The following ASNSD1 variants were observed in gnomAD, a reference collection of about 807,000 sequenced individuals.
ASNSD1 encodes the protein asparagine synthetase domain containing 1, also known as asparagine synthetase domain-containing protein 1.
Under a neutral mutation model 48.3 loss-of-function variants are expected in ASNSD1, and 36 were observed. The observed-to-expected ratio is 0.75, with a 90% confidence interval of 0.57 to 0.99. The LOEUF is 0.99. Among genes scored for constraint, ASNSD1 ranks in the 50% least tolerant of loss-of-function variants. The pLI is 0.00. For missense variants in ASNSD1, 714 were observed against 758.2 expected, an observed-to-expected ratio of 0.94 and a Z score of 0.69; for synonymous variants, 257 against 262.1, an observed-to-expected ratio of 0.98 and a Z score of 0.19.
chr2:189,666,044 T>C lies in ASNSD1; in HGVS notation c.-89T>C, dbSNP rs747515850. 1 of 1,360,726 alleles carries C rather than the reference T, an allele frequency of 7.3e-7. No homozygotes were observed. Among genetic ancestry groups the C allele is most frequent in the Admixed American group, 2.5e-5 (1 of 39,550 alleles). The allele number at this position is 1,360,726 out of a possible 1,614,324, so 84.3% of individuals were successfully genotyped here. A position where few individuals can be genotyped will look rare whatever the true frequency, so the allele number is the denominator to read the frequency against. ...TTATTCTCCTTCCCTGCAACAGATA[T>C]ATTGGATGAACTGAAAAAAGAATAC... is the stretch of plus-strand genomic sequence containing the variant. On this transcript the variant is annotated 5_prime_UTR_variant, in exon 4 of 6. Coordinates refer to ENST00000260952, the MANE Select transcript of ASNSD1 (RefSeq NM_019048.4).
Position 189,666,996 on chromosome 2 carries a change from T to C in ASNSD1, c.864T>C (p.Asp288=), listed in dbSNP as rs778261718. ...AGGAAGTAATTCAGCAGTTCATTGA[T>C]GTCCTGAGTGTAGCAGTCAAGAAAC... is the stretch of plus-strand genomic sequence containing the variant. ...HMKEVIQQFI[D]VLSVAVKKRV... is the part of the protein sequence containing the mutation. The change falls in exon 4 of 6, where the codon GAT becomes GAC. Residue 288 remains aspartate, a synonymous_variant. Coordinates refer to ENST00000260952, the MANE Select transcript of ASNSD1 (RefSeq NM_019048.4). The C allele has an allele frequency of 1.2e-6, 2 of 1,614,218 alleles. No individual in the cohort carries two copies. The highest frequency in any genetic ancestry group is 1.7e-6 in the Non-Finnish European group (2 of 1,180,038).
intron 5 of ASNSD1, among the ~76,000 whole-genome samples, chr2:189,669,462 A>G (rs1422307990): frequency 6.6e-6 from 1 of 152,258 alleles, no homozygotes; most frequent in African/African-American, 2.4e-5. Flanking sequence ...TATAACAAAT[A>G]TAGTGGCTAG....
At chr2:189,661,846 G>A (rs974758727) in intron 1 of ASNSD1, among the ~76,000 whole-genome samples, 1 of 152,182 alleles carries the variant, frequency 6.6e-6, no homozygotes, top group Non-Finnish European at 1.5e-5. Flanking sequence ...GTGACAGTGG[G>A]GCGGAGTTTT....
At chr2:189,668,175 A>G (rs2032854681) in intron 5 of ASNSD1, among the ~76,000 whole-genome samples, 1 of 152,188 alleles carries the variant, frequency 6.6e-6, no homozygotes, top group African/African-American at 2.4e-5. Context: ...GTAATTTTCA[A>G]AGGTAACATA....
rs1559034484 is a variant in ASNSD1 at position 189,665,624 on chromosome 2, A to ATATATG, written c.-93+178_-93+179insGTATAT. 1.2e-4 allele frequency among the ~76,000 whole-genome samples: 15 copies of ATATATG among 121,770 alleles called. 2 individuals carry two copies. The highest frequency in any genetic ancestry group is 5.0e-4 in the African/African-American group (15 of 30,092). 79.9% of individuals were successfully genotyped at this position (121,770 alleles called of 152,430 possible). A position where few individuals can be genotyped will look rare whatever the true frequency, so the allele number is the denominator to read the frequency against. ...TATATATATATATATATATATATAT[A>ATATATG]TATATATATATATATATATATATTA... is the stretch of plus-strand genomic sequence containing the variant. On this transcript the variant is annotated intron_variant, in intron 3 of 5. Transcript: ENST00000260952.
chr2:189,662,660 T>A (rs1190370838), intron 1 of ASNSD1, among the ~76,000 whole-genome samples: 1 of 152,164 alleles, frequency 6.6e-6, no homozygotes, highest in Non-Finnish European at 1.5e-5. Flanking sequence ...GAGGTGTGTG[T>A]GAGGTAGCAC....
chr2:189,662,095 C>T (rs987346119), intron 1 of ASNSD1, among the ~76,000 whole-genome samples: 1 of 152,182 alleles, frequency 6.6e-6, no homozygotes, highest in African/African-American at 2.4e-5. Context: ...TATCGGGACC[C>T]CTGCCCCCGG....
In ASNSD1 at chr2:189,667,558, G is replaced by C; in HGVS notation, c.1426G>C (p.Ala476Pro). Residue 476 changes from alanine to proline, a missense_variant, in exon 4 of 6, where the codon GCC (alanine) becomes CCC (proline). By Grantham distance (27) the Ala-to-Pro change is conservative. Transcript: ENST00000260952. ...FASRGIGWLVAQEGVKSYQSN... is the reference protein window; with the variant it reads ...FASRGIGWLVPQEGVKSYQSN... The stretch of plus-strand genomic sequence containing the variant: ...TTCTAGAGGAATTGGTTGGTTAGTG[G>C]CCCAGGAAGGAGTGAAATCCTATCA... 1.9e-6 allele frequency: 3 copies of C among 1,613,064 alleles called. No homozygotes were observed. The highest frequency in any genetic ancestry group is 2.5e-6 in the Non-Finnish European group (3 of 1,179,452).
At position 189,670,526 on chromosome 2, in the gene ASNSD1, A is replaced by T; in HGVS notation, c.1732A>T (p.Ile578Phe). 6.2e-7 allele frequency: 1 copy of T among 1,614,104 alleles called. No homozygotes were observed. The highest frequency in any genetic ancestry group is 2.2e-5 in the East Asian group (1 of 44,868). The change falls in exon 6 of 6, where the codon ATT becomes TTT. Residue 578 changes from isoleucine (I) to phenylalanine (F), a missense_variant. Coordinates refer to ENST00000260952, the MANE Select transcript of ASNSD1 (RefSeq NM_019048.4). The stretch of plus-strand genomic sequence containing the variant: ...AGCAAACTTGACTTTACCCCGAGGA[A>T]TTGGTGAAAAATTACTTTTACGCCT... ...EKANLTLPRG[I>F]GEKLLLRLAA...
In ASNSD1 at chr2:189,670,644, A is replaced by G. The variant is rs1470144345; in HGVS notation, c.1850A>G (p.Asn617Ser). ...AGAATTGCAAAAATGGAAAAAATTAATGAAAAGGCATCTGATAAATGTGGA... is the reference window on the plus strand; with the variant it reads ...AGAATTGCAAAAATGGAAAAAATTAGTGAAAAGGCATCTGATAAATGTGGA... ...GSRIAKMEKI[N>S]EKASDKCGRL... Residue 617 changes from asparagine (N) to serine (S), a missense_variant, in exon 6 of 6, where the codon AAT becomes AGT. Asn to Ser is a conservative substitution (Grantham distance 46). Coordinates refer to ENST00000260952, the MANE Select transcript of ASNSD1 (RefSeq NM_019048.4). 1.2e-6 allele frequency: 2 copies of G among 1,614,028 alleles called. No individual in the cohort carries two copies. Among genetic ancestry groups the G allele is most frequent in the Non-Finnish European group, 1.7e-6 (2 of 1,179,936 alleles).
intron 3 of ASNSD1, among the ~76,000 whole-genome samples, 181 bp downstream of exon 3, chr2:189,665,632 A>ATGTGTG (rs1232367448): frequency 3.3e-5 from 3 of 90,010 alleles, no homozygotes; most frequent in Non-Finnish European, 7.1e-5. Context: ...ATATATATAT[A>ATGTGTG]TATATATATA....
chr2:189,665,120 T>A (rs2032756298), intron 2 of ASNSD1, among the ~76,000 whole-genome samples: 1 of 152,180 alleles, frequency 6.6e-6, no homozygotes, highest in South Asian at 2.1e-4. Context: ...AATATATTGC[T>A]CATTGATAAA....
intron 2 of ASNSD1, among the ~76,000 whole-genome samples, chr2:189,664,262 GAT>G (rs1417577178): frequency 6.6e-6 from 1 of 152,016 alleles, no homozygotes; most frequent in Non-Finnish European, 1.5e-5. Flanking sequence ...GTTTTCTTTT[GAT>G]ATAAACGAAC....
rs2032827838 is a variant in ASNSD1, at chr2:189,667,200, C to T, written c.1068C>T (p.Phe356=). ...CAATTGATCTTCTTAATGTAGCTTT[C>T]ATAGCTGAAGAAAAGACCATGCCAA... is the stretch of plus-strand genomic sequence containing the variant. The part of the protein sequence containing the change: ...DEPIDLLNVA[F]IAEEKTMPTT... The change falls in exon 4 of 6, where the codon TTC becomes TTT. Residue 356 remains phenylalanine (F), a synonymous_variant. Transcript: ENST00000260952. 2 of 1,614,146 alleles carry T rather than the reference C, an allele frequency of 1.2e-6. No individual in the cohort carries two copies. The highest frequency in any genetic ancestry group is 1.7e-6 in the Non-Finnish European group (2 of 1,180,026).
At chr2:189,665,640 A>ATGTGTG (rs2032783830) in intron 3 of ASNSD1, among the ~76,000 whole-genome samples, 189 bp downstream of exon 3, 1 of 119,434 alleles carries the variant, frequency 8.4e-6, no homozygotes, top group Admixed American at 9.1e-5. Flanking sequence ...ATATATATAT[A>ATGTGTG]TATATATTAT....
Position 189,666,415 on chromosome 2 carries a change from T to C in ASNSD1, c.283T>C (p.Leu95=). The stretch of plus-strand genomic sequence containing the variant: ...AGCTGAAGAGAATGACACTCAAATT[T>C]TGTTTAATTATCTTTCCTCCTGTAA... ...VEAEENDTQI[L]FNYLSSCKNE... The change falls in exon 4 of 6, where the codon TTG becomes CTG. Residue 95 remains leucine, a synonymous_variant. Transcript: ENST00000260952. 6.2e-7 allele frequency: 1 copy of C among 1,614,028 alleles called. No individual in the cohort carries two copies. The highest frequency in any genetic ancestry group is 8.5e-7 in the Non-Finnish European group (1 of 1,180,016).
At position 189,670,577 on chromosome 2, in the gene ASNSD1, G is replaced by T; in HGVS notation, c.1783G>T (p.Ala595Ser). 6.2e-7 allele frequency: 1 copy of T among 1,614,086 alleles called. No individual in the cohort carries two copies. The highest frequency in any genetic ancestry group is 8.5e-7 in the Non-Finnish European group (1 of 1,179,966). The change falls in exon 6 of 6, where the codon GCC (alanine) becomes TCC (serine). Residue 595 changes from alanine to serine, a missense_variant. Physicochemically the swap from Ala to Ser is moderately conservative, Grantham distance 99. Transcript: ENST00000260952. ...RLAAVELGLT[A>S]SALLPKRAMQ... ...TGCAGCTGTGGAACTTGGTCTTACA[G>T]CCTCTGCTCTTCTGCCCAAACGGGC... is the stretch of plus-strand genomic sequence containing the variant.
chr2:189,668,066 A>T, intron 5 of ASNSD1, 121 bp downstream of exon 5: 1 of 948,196 alleles, frequency 1.1e-6, no homozygotes, highest in Non-Finnish European at 1.6e-6. Flanking sequence ...CAGCAATAAT[A>T]GCTTGGCTTT....
chr2:189,667,221 G>A lies in ASNSD1; in HGVS notation c.1089G>A (p.Met363Ile), dbSNP rs1378026750. The A allele has an allele frequency of 2.5e-6, 4 of 1,613,924 alleles. No homozygotes were observed. The highest frequency in any genetic ancestry group is 1.7e-5 in the Admixed American group (1 of 59,982). Residue 363 changes from methionine (M) to isoleucine (I), a missense_variant, in exon 4 of 6, where the codon ATG becomes ATA. By Grantham distance (10) the Met-to-Ile change is conservative. Coordinates refer to ENST00000260952, the MANE Select transcript of ASNSD1 (RefSeq NM_019048.4). Reference protein sequence around the residue: ...NVAFIAEEKTMPTTFNREGNK... With the variant: ...NVAFIAEEKTIPTTFNREGNK... ...CTTTCATAGCTGAAGAAAAGACCAT[G>A]CCAACTACCTTTAACAGAGAAGGGA...
Sources: gnomAD v4.1 joint callset for allele counts (sites outside exome capture counted in the v4.1 genomes callset) on GRCh38, gnomAD v4.1.1 for gene constraint, MANE v1.5 for transcripts, NCBI Gene and HGNC (gene_info 2026-07-23, HGNC 2026-07-21) for gene names.